Variants in C19orf47 observed in about 807,000 individuals in gnomAD.
C19orf47 encodes the protein uncharacterized protein C19orf47.
Under a neutral mutation model 32.3 loss-of-function variants are expected in C19orf47, and 18 were observed. The ratio of observed to expected loss-of-function variants is 0.56; its 90% CI spans 0.39 to 0.83. C19orf47 has a LOEUF of 0.83. Among genes scored for constraint, C19orf47 ranks in the 40% least tolerant of loss-of-function variants. The probability of loss-of-function intolerance (pLI) is 0.00; values close to 1 mark genes in which losing one functional copy is unlikely to be tolerated. For synonymous variants in C19orf47, 202 were observed against 211.1 expected (o/e 0.96, Z 0.37); for missense variants, 484 against 531.6 (o/e 0.91, Z 0.88).
chr19:40,308,932 T>C, the C19orf47 span, among the ~76,000 whole-genome samples: 1 of 152,128 alleles, frequency 6.6e-6, no homozygotes, highest in Non-Finnish European at 1.5e-5. Flanking sequence ...TAGCCGGGCA[T>C]GTGCCTATAG....
At chr19:40,296,321 G>A in the C19orf47 span, among the ~76,000 whole-genome samples, 85 of 151,724 alleles carry the variant, frequency 5.6e-4, 2 homozygotes, top group Admixed American at 4.3e-3. Context: ...TTGCTCTGTC[G>A]CCCAGGCTGG....
chr19:40,318,731 G>A (rs1226319521), downstream of C19orf47, among the ~76,000 whole-genome samples: 1 of 152,070 alleles, frequency 6.6e-6, no homozygotes, highest in Non-Finnish European at 1.5e-5. Flanking sequence ...GTCTAGCCTG[G>A]GCCCCCACAG....
In C19orf47 at chr19:40,324,013, C is replaced by T. The variant is rs747517123; in HGVS notation, c.656G>A (p.Gly219Glu). ...GAETKADTTT[G>E]SKPTGVFSRL... The stretch of plus-strand genomic sequence containing the variant: ...TCCCCCATCCCCACTCACTTTACTC[C>T]CTGTCGTGGTGTCTGCCTTGGTCTC... The change falls in exon 8 of 9, where the codon GGG becomes GAG. Residue 219 changes from glycine to glutamate, a missense_variant. By Grantham distance (98) the Gly-to-Glu change is moderately conservative. Transcript: ENST00000683109. The T allele has an allele frequency of 1.2e-6, 2 of 1,614,126 alleles. No individual in the cohort carries two copies. The highest frequency in any genetic ancestry group is 3.3e-5 in the Admixed American group (2 of 60,008).
chr19:40,340,400 C>G (rs541954737), intron 2 of C19orf47, among the ~76,000 whole-genome samples: 3 of 152,090 alleles, frequency 2.0e-5, no homozygotes, highest in African/African-American at 7.2e-5. Flanking sequence ...AGAATACAGG[C>G]AGCCAGGCGC....
chr19:40,347,339 G>C (rs201184098), intron 1 of C19orf47, among the ~76,000 whole-genome samples: 2 of 152,010 alleles, frequency 1.3e-5, no homozygotes, highest in Non-Finnish European at 2.9e-5. Flanking sequence ...AGACCAGCCT[G>C]ACCAACATGC....
chr19:40,300,046 G>A, the C19orf47 span, among the ~76,000 whole-genome samples: 1 of 151,826 alleles, frequency 6.6e-6, no homozygotes, highest in African/African-American at 2.4e-5. Context: ...AGAGATATTA[G>A]ACTAATTAGG....
At chr19:40,346,448 A>G (rs2078282938) in intron 1 of C19orf47, among the ~76,000 whole-genome samples, 1 of 113,934 alleles carries the variant, frequency 8.8e-6, no homozygotes, top group Non-Finnish European at 1.9e-5. Context: ...GTCTCAAATA[A>G]ATAAATAAAT....
intron 2 of C19orf47, among the ~76,000 whole-genome samples, chr19:40,341,263 G>A (rs1315510402): frequency 2.0e-5 from 3 of 152,016 alleles, no homozygotes; most frequent in Admixed American, 1.3e-4. Context: ...GAACCCGGGA[G>A]GTGGAGGCTG....
chr19:40,341,668 G>A (rs2078180128), intron 2 of C19orf47, 171 bp downstream of exon 2: 4 of 886,894 alleles, frequency 4.5e-6, no homozygotes, highest in African/African-American at 1.7e-5. Flanking sequence ...CCAGTGATGA[G>A]GCGGGCAGGC....
the C19orf47 span, among the ~76,000 whole-genome samples, chr19:40,309,377 C>T: frequency 1.3e-5 from 2 of 151,908 alleles, no homozygotes; most frequent in African/African-American, 4.8e-5. Flanking sequence ...TTAGTAGGGA[C>T]GGGGTTTCTC....
chr19:40,304,983 C>T, the C19orf47 span, among the ~76,000 whole-genome samples: 7 of 152,234 alleles, frequency 4.6e-5, no homozygotes, highest in Middle Eastern at 3.4e-3. Context: ...CATCCCAGCA[C>T]TTTGGAAAGC....
intron 2 of C19orf47, 117 bp from the exon 3 acceptor site, chr19:40,336,524 A>G (rs747318316): frequency 3.4e-6 from 3 of 869,730 alleles, no homozygotes; most frequent in Non-Finnish European, 5.5e-6. Context: ...CAGGCCCTGC[A>G]TGGAGTGCTC....
Position 40,321,608 on chromosome 19 carries a change from A to C in C19orf47, c.*274T>G. 1.6e-6 allele frequency: 2 copies of C among 1,223,548 alleles called. No individual in the cohort carries two copies. Among genetic ancestry groups the C allele is most frequent in the Non-Finnish European group, 1.0e-6 (1 of 978,494 alleles). The allele number at this position is 1,223,548 out of a possible 1,614,324, so 75.8% of individuals were successfully genotyped here. On this transcript the variant is annotated 3_prime_UTR_variant, in exon 9 of 9. Transcript: ENST00000683109. ...AAGCCCCCTGGCACTTGGGAGAGGT[A>C]GAAAAGTGGGTTCTGCCAAGGCCAC...
At position 40,336,413 on chromosome 19, in the gene C19orf47, G is replaced by C; in HGVS notation, c.20-6C>G. On this transcript the variant is annotated splice_polypyrimidine_tract_variant and splice_region_variant and intron_variant, in intron 2 of 8. Coordinates refer to ENST00000683109, the MANE Select transcript of C19orf47 (RefSeq NM_001256441.2). ...CTGGATCCACTCGGAAGTGGCTGTG[G>C]GGTTGGACAGGGCTCATTACTCACA... 1 of 1,610,234 alleles carries C rather than the reference G, an allele frequency of 6.2e-7. No homozygotes were observed. The highest frequency in any genetic ancestry group is 1.3e-5 in the African/African-American group (1 of 74,938).
chr19:40,321,325 G>A lies in C19orf47; in HGVS notation c.*557C>T, dbSNP rs751870835. The A allele has an allele frequency of 8.6e-5, 85 of 986,778 alleles. No individual in the cohort carries two copies. The highest frequency in any genetic ancestry group is 1.0e-4 in the Non-Finnish European group (84 of 830,634). The allele number at this position is 986,778 out of a possible 1,614,324, so 61.1% of individuals were successfully genotyped here. A position where few individuals can be genotyped will look rare whatever the true frequency, so the allele number is the denominator to read the frequency against. On this transcript the variant is annotated 3_prime_UTR_variant, in exon 9 of 9. Transcript: ENST00000683109. The stretch of plus-strand genomic sequence containing the variant: ...GGGAGGCCGGAGGTACAGGAGGGTC[G>A]GGCAGGACGCAGCGGACAGTCGGGC...
At chr19:40,306,790 A>AT in the C19orf47 span, among the ~76,000 whole-genome samples, 13 of 65,632 alleles carry the variant, frequency 2.0e-4, no homozygotes, top group East Asian at 7.0e-4. Flanking sequence ...ATGTCATTAA[A>AT]ATTTTTTTTT....
At chr19:40,328,063 G>A (rs149345783) in intron 6 of C19orf47, among the ~76,000 whole-genome samples, 39 of 152,218 alleles carry the variant, frequency 2.6e-4, no homozygotes, top group African/African-American at 8.7e-4. Context: ...ATGACCCCAG[G>A]CATCAAGCAC....
At chr19:40,336,964 G>A (rs145814128) in intron 2 of C19orf47, among the ~76,000 whole-genome samples, 1 of 152,322 alleles carries the variant, frequency 6.6e-6, no homozygotes, top group East Asian at 1.9e-4. Flanking sequence ...ATGGGCTTCG[G>A]AGCTTGGGTT....
At chr19:40,331,562 C>T (rs559050536) in intron 5 of C19orf47, among the ~76,000 whole-genome samples, 2 of 152,138 alleles carry the variant, frequency 1.3e-5, no homozygotes, top group Admixed American at 1.3e-4. Flanking sequence ...CACTTGAGCC[C>T]AGGACTTTGA....
Sources: allele counts gnomAD v4.1 joint callset (sites outside exome capture counted in the v4.1 genomes callset), GRCh38; gene constraint gnomAD v4.1.1; transcripts MANE v1.5; gene names NCBI Gene and HGNC (gene_info 2026-07-23, HGNC 2026-07-21).